The following ERP44 variants were observed in gnomAD, a reference collection of about 807,000 sequenced individuals.
The protein encoded by ERP44 is endoplasmic reticulum protein 44, also known as endoplasmic reticulum resident protein 44.
In ERP44, 25 loss-of-function variants were observed where a neutral mutation model predicts 53.4. The observed-to-expected ratio is 0.47, with a 90% CI of 0.34 to 0.65. ERP44 has a LOEUF of 0.65. Among genes scored for constraint, ERP44 ranks in the 30% least tolerant of loss-of-function variants. The pLI is 0.01. For missense variants in ERP44, 338 were observed against 493.2 expected (o/e 0.69, Z 2.98); for synonymous variants, 145 against 161.2 (o/e 0.90, Z 0.76).
intron 10 of ERP44, among the ~76,000 whole-genome samples, chr9:100,001,453 T>C (rs1339464877): frequency 6.6e-6 from 1 of 152,210 alleles, no homozygotes; most frequent in Non-Finnish European, 1.5e-5. Flanking sequence ...AGTCCCCTAC[T>C]ATTACTGTAT....
chr9:99,992,197 T>C (rs887819014), intron 10 of ERP44, among the ~76,000 whole-genome samples: 1 of 152,136 alleles, frequency 6.6e-6, no homozygotes, highest in Non-Finnish European at 1.5e-5. Flanking sequence ...TACCAAAGCC[T>C]GGCAGAGACA....
chr9:100,065,476 T>C (rs1041816433), intron 1 of ERP44, among the ~76,000 whole-genome samples: 5 of 152,142 alleles, frequency 3.3e-5, no homozygotes, highest in African/African-American at 1.2e-4. Flanking sequence ...GAGTCTATAA[T>C]ATTCTCACAA....
At chr9:100,051,849 G>C (rs1438103684) in intron 4 of ERP44, among the ~76,000 whole-genome samples, 6 of 152,074 alleles carry the variant, frequency 3.9e-5, no homozygotes, top group African/African-American at 1.4e-4. Context: ...AAATGCAAGA[G>C]GTTGGATTTT....
intron 1 of ERP44, among the ~76,000 whole-genome samples, chr9:100,073,774 A>G (rs113687454): frequency 2.7e-4 from 41 of 152,334 alleles, no homozygotes; most frequent in African/African-American, 9.4e-4. Flanking sequence ...GTGTGTTATC[A>G]TCTAACAGCA....
At chr9:100,044,308 T>C (rs1178925179) in intron 4 of ERP44, among the ~76,000 whole-genome samples, 1 of 152,146 alleles carries the variant, frequency 6.6e-6, no homozygotes, top group Non-Finnish European at 1.5e-5. Flanking sequence ...AAACATAAGG[T>C]CTCTACTCTC....
intron 4 of ERP44, among the ~76,000 whole-genome samples, chr9:100,039,581 T>C (rs1371347639): frequency 1.3e-5 from 2 of 151,478 alleles, no homozygotes; most frequent in Non-Finnish European, 2.9e-5. Flanking sequence ...AGAAAAAACT[T>C]CCAATAAATA....
chr9:100,093,561 G>A (rs992164811), intron 1 of ERP44, among the ~76,000 whole-genome samples: 22 of 152,042 alleles, frequency 1.4e-4, no homozygotes, highest in African/African-American at 4.8e-4. Context: ...GGAGCATCAC[G>A]TGACCTGGGA....
At chr9:100,092,318 A>G (rs1826568108) in intron 1 of ERP44, among the ~76,000 whole-genome samples, 1 of 152,258 alleles carries the variant, frequency 6.6e-6, no homozygotes, top group African/African-American at 2.4e-5. Context: ...CTGACAAGCT[A>G]GCAGATTTTT....
At chr9:100,071,488 C>A (rs952554382) in intron 1 of ERP44, among the ~76,000 whole-genome samples, 2 of 152,182 alleles carry the variant, frequency 1.3e-5, no homozygotes, top group Non-Finnish European at 2.9e-5. Flanking sequence ...TCCAGAATCA[C>A]TCTCAGACTT....
intron 4 of ERP44, among the ~76,000 whole-genome samples, chr9:100,039,038 A>G (rs1451580640): frequency 1.3e-5 from 2 of 152,218 alleles, no homozygotes; most frequent in African/African-American, 4.8e-5. Context: ...ATCCAGATAT[A>G]TAAAGCAAGT....
intron 10 of ERP44, among the ~76,000 whole-genome samples, chr9:99,993,409 G>A (rs547778239): frequency 1.3e-5 from 2 of 152,154 alleles, no homozygotes; most frequent in East Asian, 3.9e-4. Context: ...CAAGAAATGG[G>A]GAAAGGATTC....
intron 10 of ERP44, among the ~76,000 whole-genome samples, chr9:100,006,076 AC>A (rs1452467189): frequency 2.0e-5 from 3 of 152,210 alleles, no homozygotes; most frequent in Non-Finnish European, 4.4e-5. Context: ...CATAAATACT[AC>A]TAATGTTCTT....
chr9:100,035,684 A>G (rs905368246), intron 4 of ERP44, among the ~76,000 whole-genome samples: 1 of 151,976 alleles, frequency 6.6e-6, no homozygotes, highest in Admixed American at 6.5e-5. Flanking sequence ...TTAAAAAAAT[A>G]AGAATAAAAA....
At chr9:100,020,960 C>T in intron 5 of ERP44, among the ~76,000 whole-genome samples, 1 of 152,256 alleles carries the variant, frequency 6.6e-6, no homozygotes, top group Non-Finnish European at 1.5e-5. Context: ...TTCCTTCCAG[C>T]GTTCAAAATT....
chr9:100,079,447 C>CAT (rs1438917626), intron 1 of ERP44, among the ~76,000 whole-genome samples: 1 of 141,188 alleles, frequency 7.1e-6, no homozygotes, highest in East Asian at 1.9e-4. Flanking sequence ...CACACACACA[C>CAT]ACACACACAG....
chr9:100,097,942 T>A lies in ERP44; in HGVS notation c.57+842A>T, dbSNP rs1039839804. ...TAAGGTACTTTCAAATATTACATTATAATTAACAGCCCAATTAAATATAAG... is the reference window on the plus strand; with the variant it reads ...TAAGGTACTTTCAAATATTACATTAAAATTAACAGCCCAATTAAATATAAG... On this transcript the variant is annotated intron_variant, in intron 1 of 11. Coordinates refer to ENST00000262455, the MANE Select transcript of ERP44 (RefSeq NM_015051.3). Among the ~76,000 whole-genome samples, 3 of 152,338 alleles carry A rather than the reference T, an allele frequency of 2.0e-5. No homozygotes were observed. In the East Asian group the frequency reaches 5.8e-4, roughly 29 times the overall value.
rs143138083 is a variant in ERP44 at position 100,023,796 on chromosome 9, T to A, written c.287-1570A>T. Among the ~76,000 whole-genome samples the A allele has an allele frequency of 1.8e-3, 277 of 152,206 alleles. 7 individuals carry two copies. The East Asian group carries it at 0.036, about 20-fold the overall frequency. ...AAACAAAAAGTTTTAAAAAATTAGA[T>A]CAAATAGTTCTAATGGCCTACACTA... On this transcript the variant is annotated intron_variant, in intron 4 of 11. Transcript: ENST00000262455.
chr9:100,042,644 A>G (rs1251782393), intron 4 of ERP44, among the ~76,000 whole-genome samples: 4 of 152,228 alleles, frequency 2.6e-5, no homozygotes, highest in Non-Finnish European at 5.9e-5. Flanking sequence ...AACAGGCTAG[A>G]TTTGGAAGCA....
At chr9:100,026,719 A>C (rs2118663723) in intron 4 of ERP44, among the ~76,000 whole-genome samples, 1 of 152,332 alleles carries the variant, frequency 6.6e-6, no homozygotes, top group Non-Finnish European at 1.5e-5. Flanking sequence ...TCCAATATTC[A>C]ATGTTAATAA....
Sources: allele counts gnomAD v4.1 joint callset (sites outside exome capture counted in the v4.1 genomes callset), GRCh38; gene constraint gnomAD v4.1.1; transcripts MANE v1.5; gene names NCBI Gene and HGNC (gene_info 2026-07-23, HGNC 2026-07-21).